The following RHEB variants were observed in gnomAD, a reference collection of about 807,000 sequenced individuals.
RHEB encodes GTP-binding protein Rheb.
Under a neutral mutation model 28.8 loss-of-function variants are expected in RHEB, and 2 were observed. The ratio of observed to expected loss-of-function variants is 0.07; its 90% CI spans 0.03 to 0.22. The LOEUF (loss-of-function observed/expected upper bound fraction) is 0.22, where lower values mean the gene tolerates loss of function less well. Ranked by LOEUF, RHEB falls within the 10% of genes least tolerant of loss-of-function variation. The probability of loss-of-function intolerance (pLI) is 1.00; values close to 1 mark genes in which losing one functional copy is unlikely to be tolerated. For missense variants in RHEB, 76 were observed against 219.9 expected, an observed-to-expected ratio of 0.35 and a Z score of 4.14; for synonymous variants, 69 against 77.3, an observed-to-expected ratio of 0.89 and a Z score of 0.56.
chr7:151,511,807 C>T (rs957425317), intron 1 of RHEB, among the ~76,000 whole-genome samples: 3 of 152,110 alleles, frequency 2.0e-5, no homozygotes, highest in Admixed American at 2.0e-4. Flanking sequence ...CCCACCACCA[C>T]GCCCAGCTAA....
At chr7:151,487,345 G>A (rs1357780437) in intron 2 of RHEB, among the ~76,000 whole-genome samples, 1 of 152,142 alleles carries the variant, frequency 6.6e-6, no homozygotes. Flanking sequence ...GAGCTGGGGG[G>A]AGAGGTTGCG....
chr7:151,513,715 G>A (rs558568756), intron 1 of RHEB, among the ~76,000 whole-genome samples: 99 of 152,088 alleles, frequency 6.5e-4, no homozygotes, highest in Non-Finnish European at 1.2e-3. Context: ...ATGAAGTTTC[G>A]GTATCAAAGA....
intron 1 of RHEB, among the ~76,000 whole-genome samples, chr7:151,516,495 C>A (rs188860748): frequency 2.6e-5 from 4 of 151,450 alleles, no homozygotes; most frequent in South Asian, 2.1e-4. Context: ...GGGTGGCAGG[C>A]GCCTGTTATC....
chr7:151,478,783 C>T (rs889637263), intron 3 of RHEB, among the ~76,000 whole-genome samples: 6 of 152,278 alleles, frequency 3.9e-5, no homozygotes, highest in African/African-American at 7.2e-5. Flanking sequence ...CTACAGGCTA[C>T]ACCACCACAC....
Position 151,519,524 on chromosome 7 carries a change from C to T in RHEB, c.-13G>A. On this transcript the variant is annotated 5_prime_UTR_variant, in exon 1 of 8. Coordinates refer to ENST00000262187, the MANE Select transcript of RHEB (RefSeq NM_005614.4). ...TGGACTGCGGCATCTTGGCGGCCTC[C>T]TCAGCCCCGGCCCAACCACATCAAC... is the stretch of plus-strand genomic sequence containing the variant. The T allele has an allele frequency of 6.5e-7, 1 of 1,548,352 alleles. No homozygotes were observed. Among genetic ancestry groups the T allele is most frequent in the Non-Finnish European group, 8.7e-7 (1 of 1,148,536 alleles).
At position 151,519,691 on chromosome 7, in the gene RHEB, G is replaced by C. The variant is rs1451128527; in HGVS notation, c.-180C>G. On this transcript the variant is annotated 5_prime_UTR_variant, in exon 1 of 8. Transcript: ENST00000262187. ...CCCAACCGCCCGGAACCGACCGCGC[G>C]GCGGCGCCCCTCCCCCCCACAACAC... The C allele has an allele frequency of 2.4e-6, 1 of 411,768 alleles. No homozygotes were observed. Among genetic ancestry groups the C allele is most frequent in the African/African-American group, 2.1e-5 (1 of 47,876 alleles). The allele number at this position is 411,768 out of a possible 1,614,324, so 25.5% of individuals were successfully genotyped here.
chr7:151,497,455 T>C (rs1802693773), intron 1 of RHEB, among the ~76,000 whole-genome samples: 2 of 152,188 alleles, frequency 1.3e-5, no homozygotes, highest in African/African-American at 4.8e-5. Context: ...TCAACTATTA[T>C]CACCTATCGC....
intron 1 of RHEB, among the ~76,000 whole-genome samples, chr7:151,492,838 A>ACTT (rs1554438808): frequency 2.4e-5 from 3 of 125,184 alleles, no homozygotes; most frequent in Non-Finnish European, 4.9e-5. Context: ...AATTCTCAAC[A>ACTT]TTTTTTTTTT....
At chr7:151,496,927 C>T (rs1037265803) in intron 1 of RHEB, among the ~76,000 whole-genome samples, 2 of 151,370 alleles carry the variant, frequency 1.3e-5, no homozygotes, top group African/African-American at 2.4e-5. Context: ...CTACAGGCAC[C>T]GACCACCACA....
chr7:151,478,735 A>G (rs535543426), intron 3 of RHEB, among the ~76,000 whole-genome samples: 1 of 152,132 alleles, frequency 6.6e-6, no homozygotes, highest in Non-Finnish European at 1.5e-5. Context: ...TCTCAGGTTC[A>G]AGCGATTCTC....
At chr7:151,489,915 A>G (rs1044031384) in intron 2 of RHEB, among the ~76,000 whole-genome samples, 2 of 152,222 alleles carry the variant, frequency 1.3e-5, no homozygotes, top group Non-Finnish European at 2.9e-5. Context: ...CAAAGCATTC[A>G]AGTGATTCTC....
Position 151,466,861 on chromosome 7 carries a change from C to T in RHEB, c.*258G>A, listed in dbSNP as rs545056225. The stretch of plus-strand genomic sequence containing the variant: ...ACAAACTACACTGAAAAATTAATGC[C>T]GATAAAATTCTTGGTCATAATATTA... On this transcript the variant is annotated 3_prime_UTR_variant, in exon 8 of 8. Transcript: ENST00000262187. 3.7e-5 allele frequency: 13 copies of T among 355,086 alleles called. No individual in the cohort carries two copies. Among genetic ancestry groups the T allele is most frequent in the African/African-American group, 1.5e-4 (7 of 47,800 alleles). The allele number at this position is 355,086 out of a possible 1,614,324, so 22.0% of individuals were successfully genotyped here.
chr7:151,479,508 C>G (rs1349231711), intron 3 of RHEB, among the ~76,000 whole-genome samples: 1 of 151,936 alleles, frequency 6.6e-6, no homozygotes, highest in Non-Finnish European at 1.5e-5. Context: ...CAGTGAAACC[C>G]CGTCTCCACT....
intron 4 of RHEB, among the ~76,000 whole-genome samples, chr7:151,476,509 C>G (rs1802275287): frequency 6.6e-6 from 1 of 152,228 alleles, no homozygotes; most frequent in South Asian, 2.1e-4. Flanking sequence ...CCTGGGCAAG[C>G]TGCTTTAGGT....
chr7:151,490,901 A>G, intron 2 of RHEB, 42 bp downstream of exon 2: 1 of 1,423,176 alleles, frequency 7.0e-7, no homozygotes. Flanking sequence ...TTTACACAAA[A>G]GAAGGCTTCT....
chr7:151,472,659 G>A lies in RHEB; in HGVS notation c.276-1054C>T, dbSNP rs1323376268. The stretch of plus-strand genomic sequence containing the variant: ...AGCATGGTCACAGACATCCTATCTC[G>A]CATGTGTGTCGTTTTACTGTTTGTC... On this transcript the variant is annotated intron_variant, in intron 4 of 7. Coordinates refer to ENST00000262187, the MANE Select transcript of RHEB (RefSeq NM_005614.4). The surrounding 1 kb of genome is among the most constrained non-coding windows in gnomAD (Gnocchi z 5.2). Among the ~76,000 whole-genome samples, 1 of 151,992 alleles carries A rather than the reference G, an allele frequency of 6.6e-6. No homozygotes were observed. The highest frequency in any genetic ancestry group is 1.5e-5 in the Non-Finnish European group (1 of 68,012).
At chr7:151,512,305 G>A (rs4298422) in intron 1 of RHEB, among the ~76,000 whole-genome samples, 59,475 of 152,070 alleles carry the variant, frequency 0.39, 13,997 homozygotes, top group South Asian at 0.6. Flanking sequence ...ACAATCACAG[G>A]TAGAGGTGGC....
chr7:151,501,763 C>A, intron 1 of RHEB: 1 of 251,788 alleles, frequency 4.0e-6, no homozygotes, highest in South Asian at 5.2e-5. Flanking sequence ...GAAGTGACAT[C>A]ACGGGCCCCA....
intron 2 of RHEB, among the ~76,000 whole-genome samples, chr7:151,486,114 C>T (rs1370152212): frequency 6.6e-6 from 1 of 152,204 alleles, no homozygotes; most frequent in African/African-American, 2.4e-5. Flanking sequence ...AGGTTTCAGT[C>T]CTTGTCAGCC....
Sources: gnomAD v4.1 joint callset for allele counts (sites outside exome capture counted in the v4.1 genomes callset) on GRCh38, gnomAD v4.1.1 for gene constraint, Gnocchi (gnomAD v3.1) non-coding constraint, MANE v1.5 for transcripts, NCBI Gene and HGNC (gene_info 2026-07-23, HGNC 2026-07-21) for gene names.